Variants in DMD observed in about 807,000 individuals in gnomAD.
DMD encodes the protein dystrophin, also known as mutant dystrophin.
In DMD, 63 loss-of-function variants were observed where a neutral mutation model predicts 330.1. The ratio of observed to expected loss-of-function variants is 0.19; its 90% CI spans 0.16 to 0.24. The LOEUF (loss-of-function observed/expected upper bound fraction) is 0.24. Among genes scored for constraint, DMD ranks in the 10% least tolerant of loss-of-function variants. The probability of loss-of-function intolerance (pLI) is 1.00; values close to 1 mark genes in which losing one functional copy is unlikely to be tolerated. For synonymous variants in DMD, 1,223 were observed against 959.8 expected (o/e 1.27, Z -5.07); for missense variants, 3,344 against 2,684.1 (o/e 1.25, Z -5.43).
intron 37 of DMD, among the ~76,000 whole-genome samples, chrX:32,359,760 A>T (rs957169637): frequency 4.5e-5 from 5 of 111,380 alleles, no homozygotes; most frequent in Admixed American, 3.8e-4. Flanking sequence ...CTATGAGCAT[A>T]ATTTATACTT....
Position 31,724,200 on chromosome X carries a change from G to A in DMD, c.7660+5431C>T, listed in dbSNP as rs766001700. On this transcript the variant is annotated intron_variant, in intron 52 of 78. Coordinates refer to ENST00000357033, the MANE Select transcript of DMD (RefSeq NM_004006.3). ...GTTGACTCCACTTCTTCTAAAATAAGCAACCATCTAATAGACAATACCTGA... is the reference window on the plus strand; with the variant it reads ...GTTGACTCCACTTCTTCTAAAATAAACAACCATCTAATAGACAATACCTGA... Among the ~76,000 whole-genome samples, 18 of 112,261 alleles carry A rather than the reference G, an allele frequency of 1.6e-4. No homozygotes were observed. The East Asian group carries it at 3.6e-3, about 23-fold the overall frequency.
intron 44 of DMD, among the ~76,000 whole-genome samples, chrX:32,207,486 C>T (rs1043185672): frequency 4.5e-5 from 5 of 111,820 alleles, no homozygotes; most frequent in African/African-American, 6.5e-5. Flanking sequence ...CAGCACAAAA[C>T]GTATTAAGAG....
chrX:31,320,808 A>C, intron 62 of DMD, among the ~76,000 whole-genome samples: 1 of 112,265 alleles, frequency 8.9e-6, no homozygotes, highest in Non-Finnish European at 1.9e-5. Context: ...AAGAGATTAT[A>C]ATTGTAGAGA....
intron 61 of DMD, among the ~76,000 whole-genome samples, chrX:31,330,659 C>T (rs892003276): frequency 1.8e-5 from 2 of 112,160 alleles, no homozygotes; most frequent in South Asian, 3.7e-4. Flanking sequence ...TTCTTTATAA[C>T]GTTAAATTAT....
At chrX:31,225,167 AC>A (rs2046455960) in intron 63 of DMD, among the ~76,000 whole-genome samples, 2 of 112,144 alleles carry the variant, frequency 1.8e-5, no homozygotes, top group Non-Finnish European at 3.8e-5. Context: ...GTCTTTAAAA[AC>A]CCTCACATGA....
intron 53 of DMD, among the ~76,000 whole-genome samples, chrX:31,674,292 G>T (rs978165704): frequency 3.6e-5 from 4 of 111,881 alleles, no homozygotes; most frequent in African/African-American, 1.3e-4. Flanking sequence ...AAAATAATTT[G>T]AGACACTCAA....
chrX:32,510,210 A>G (rs779530335), intron 18 of DMD, among the ~76,000 whole-genome samples: 75 of 111,535 alleles, frequency 6.7e-4, no homozygotes, highest in Non-Finnish European at 6.0e-4. Flanking sequence ...TCTGCTGCTA[A>G]ACATCGTGAT....
At chrX:33,269,454 G>A (rs1479793288) in intron 1 of DMD, among the ~76,000 whole-genome samples, 1 of 110,837 alleles carries the variant, frequency 9.0e-6, no homozygotes, top group East Asian at 2.8e-4. Context: ...AGGGACCGGC[G>A]GGGAAGGAGT....
intron 1 of DMD, among the ~76,000 whole-genome samples, chrX:33,071,478 G>C (rs773914551): frequency 9.4e-6 from 1 of 106,483 alleles, no homozygotes; most frequent in Non-Finnish European, 1.9e-5. Flanking sequence ...TGGAGATTCA[G>C]ATTTGATAAT....
chrX:31,764,408 T>G (rs1331596659), intron 51 of DMD, among the ~76,000 whole-genome samples: 3 of 111,605 alleles, frequency 2.7e-5, no homozygotes, highest in Non-Finnish European at 5.6e-5. Flanking sequence ...GTGGAAGCAT[T>G]TCATTACTTT....
Position 33,056,338 on chromosome X carries a change from C to CCT in DMD, c.32-36139_32-36138insAG, listed in dbSNP as rs1557236677. Among the ~76,000 whole-genome samples the CCT allele has an allele frequency of 6.8e-5, 7 of 102,769 alleles. No individual in the cohort carries two copies. In the South Asian group the frequency reaches 3.2e-3, roughly 46 times the overall value. The allele number at this position is 102,769 out of a possible 115,157, so 89.2% of individuals were successfully genotyped here. On this transcript the variant is annotated intron_variant, in intron 1 of 78. Transcript: ENST00000357033. ...AACTCAATTATCTGACCCCTGCGCT[C>CCT]TTTTTTTTTTCTTTTTCTTTTCTTT... is the stretch of plus-strand genomic sequence containing the variant.
chrX:31,764,307 T>C (rs1175160750), intron 51 of DMD, among the ~76,000 whole-genome samples: 2 of 111,908 alleles, frequency 1.8e-5, no homozygotes, highest in Admixed American at 9.6e-5. Context: ...ATCTATTACA[T>C]AACTTAAAAA....
At chrX:32,636,310 T>A (rs2059090327) in intron 11 of DMD, among the ~76,000 whole-genome samples, 1 of 111,917 alleles carries the variant, frequency 8.9e-6, no homozygotes, top group African/African-American at 3.3e-5. Flanking sequence ...CAACCTGATC[T>A]TGGAGGTCAA....
At chrX:32,712,903 A>C (rs2065324390) in intron 7 of DMD, among the ~76,000 whole-genome samples, 1 of 111,524 alleles carries the variant, frequency 9.0e-6, no homozygotes, top group South Asian at 3.7e-4. Context: ...ATGTTTATTC[A>C]CATTCAATCA....
At chrX:32,674,632 G>A in intron 9 of DMD, among the ~76,000 whole-genome samples, 1 of 111,082 alleles carries the variant, frequency 9.0e-6, no homozygotes, top group Non-Finnish European at 1.9e-5. Flanking sequence ...TTCAGGCCAG[G>A]CATATGATCT....
intron 7 of DMD, among the ~76,000 whole-genome samples, chrX:32,746,623 TATATGA>T (rs1455959133): frequency 8.9e-6 from 1 of 112,241 alleles, no homozygotes; most frequent in African/African-American, 3.2e-5. Context: ...GATATTTTCC[TATATGA>T]ATATAACATG....
intron 11 of DMD, among the ~76,000 whole-genome samples, chrX:32,629,411 G>C (rs1289679568): frequency 3.6e-5 from 4 of 111,083 alleles, no homozygotes; most frequent in Non-Finnish European, 7.6e-5. Context: ...TATCTTTATT[G>C]GTCAAGTGTG....
At position 32,849,770 on chromosome X, in the gene DMD, C is replaced by T. The variant is rs577671071; in HGVS notation, c.144G>A (p.Arg48=). 6.6e-6 allele frequency: 8 copies of T among 1,209,644 alleles called. No individual in the cohort carries two copies. The highest frequency in any genetic ancestry group is 1.7e-5 in the African/African-American group (1 of 57,601). Residue 48 remains arginine (R), a synonymous_variant, in exon 3 of 79, where the codon AGG becomes AGA. Coordinates refer to ENST00000357033, the MANE Select transcript of DMD (RefSeq NM_004006.3). ...GGCCTTCGAGGAGGTCTAGGAGGCG[C>T]CTCCCATCCTGTAGGTCACTGAAGA... is the stretch of plus-strand genomic sequence containing the variant. The part of the protein sequence containing the change: ...ENLFSDLQDG[R]RLLDLLEGLT...
chrX:32,405,770 T>C (rs1285806963), intron 30 of DMD, among the ~76,000 whole-genome samples: 1 of 111,570 alleles, frequency 9.0e-6, no homozygotes, highest in Non-Finnish European at 1.9e-5. Context: ...TTAAAGTAGT[T>C]TTTTCCAATT....
Sources: allele counts gnomAD v4.1 joint callset (sites outside exome capture counted in the v4.1 genomes callset), GRCh38; gene constraint gnomAD v4.1.1; transcripts MANE v1.5; gene names NCBI Gene and HGNC (gene_info 2026-07-23, HGNC 2026-07-21).